ANKRD27: variants seen among roughly 807,000 people sequenced by gnomAD.
ANKRD27 encodes the protein ankyrin repeat domain-containing protein 27.
Under a neutral mutation model 129.7 loss-of-function variants are expected in ANKRD27, and 112 were observed. The observed-to-expected ratio is 0.86, with a 90% confidence interval of 0.74 to 1.01. ANKRD27 has a LOEUF of 1.01. Ranked by LOEUF, ANKRD27 falls within the 50% of genes least tolerant of loss-of-function variation. The pLI is 0.00. For synonymous variants in ANKRD27, 516 were observed against 511.2 expected, an observed-to-expected ratio of 1.01 and a Z score of -0.13; for missense variants, 1,258 against 1,300.5, an observed-to-expected ratio of 0.97 and a Z score of 0.50.
intron 23 of ANKRD27, among the ~76,000 whole-genome samples, 196 bp from the exon 24 acceptor site, chr19:32,606,150 T>TC (rs1971731918): frequency 8.7e-6 from 1 of 114,886 alleles, no homozygotes; most frequent in Non-Finnish European, 1.7e-5. Context: ...GGTTTTTCTT[T>TC]CTTTTTTTTT....
intron 25 of ANKRD27, among the ~76,000 whole-genome samples, chr19:32,603,737 CT>C (rs1457581558): frequency 6.6e-6 from 1 of 152,100 alleles, no homozygotes; most frequent in African/African-American, 2.4e-5. Flanking sequence ...GGGGGTCTCA[CT>C]ATGTTGCCCA....
At chr19:32,639,102 G>A (rs1251599190) in intron 12 of ANKRD27, 2 of 481,804 alleles carry the variant, frequency 4.2e-6, no homozygotes, top group Non-Finnish European at 7.3e-6. Context: ...ACATGTCTTT[G>A]GAGAGGATGG....
chr19:32,643,567 C>T lies in ANKRD27; in HGVS notation c.585+5G>A, dbSNP rs1967244011. The T allele has an allele frequency of 6.2e-7, 1 of 1,613,996 alleles. No homozygotes were observed. The highest frequency in any genetic ancestry group is 8.5e-7 in the Non-Finnish European group (1 of 1,179,998). ...ATTCTCCCTCTCAGAAGTCCTGCTG[C>T]TTACCAGGTGAGAGTCCCTCAGAAG... On this transcript the variant is annotated splice_donor_5th_base_variant and intron_variant, in intron 6 of 28. Coordinates refer to ENST00000306065, the MANE Select transcript of ANKRD27 (RefSeq NM_032139.3).
intron 1 of ANKRD27, among the ~76,000 whole-genome samples, chr19:32,664,358 C>T (rs1967705562): frequency 6.6e-6 from 1 of 151,816 alleles, no homozygotes; most frequent in South Asian, 2.1e-4. Context: ...CACAGTGGCT[C>T]ACACCTGTAA....
At chr19:32,634,591 A>C (rs904057495) in intron 12 of ANKRD27, among the ~76,000 whole-genome samples, 3 of 152,136 alleles carry the variant, frequency 2.0e-5, no homozygotes, top group Non-Finnish European at 2.9e-5. Context: ...TGCAGAGACA[A>C]ACAGACATGC....
intron 12 of ANKRD27, among the ~76,000 whole-genome samples, chr19:32,632,851 T>G (rs1446682169): frequency 6.6e-6 from 1 of 152,162 alleles, no homozygotes; most frequent in Admixed American, 6.5e-5. Flanking sequence ...GAGGTCCACC[T>G]AAAGATAGAG....
intron 2 of ANKRD27, among the ~76,000 whole-genome samples, chr19:32,654,780 T>C (rs1320712825): frequency 6.6e-6 from 1 of 152,032 alleles, no homozygotes; most frequent in African/African-American, 2.4e-5. Flanking sequence ...TTGTTTTGTT[T>C]GTTTGTTTGT....
chr19:32,647,571 G>A (rs1036477503), intron 3 of ANKRD27, among the ~76,000 whole-genome samples: 3 of 152,228 alleles, frequency 2.0e-5, no homozygotes, highest in East Asian at 1.9e-4. Context: ...GTTCAGATGC[G>A]GCAGCTGAGG....
intron 12 of ANKRD27, among the ~76,000 whole-genome samples, chr19:32,632,024 C>T (rs1168424231): frequency 6.6e-6 from 1 of 152,234 alleles, no homozygotes; most frequent in Non-Finnish European, 1.5e-5. Flanking sequence ...CGCAGTGGCT[C>T]ACACCTATAA....
In ANKRD27 at chr19:32,626,724, G is replaced by A. The variant is rs1488719097; in HGVS notation, c.1524C>T (p.Tyr508=). 1 of 1,609,170 alleles carries A rather than the reference G, an allele frequency of 6.2e-7. No individual in the cohort carries two copies. Among genetic ancestry groups the A allele is most frequent in the Non-Finnish European group, 8.5e-7 (1 of 1,177,848 alleles). The change falls in exon 16 of 29, where the codon TAC becomes TAT. Residue 508 remains tyrosine, a synonymous_variant. Coordinates refer to ENST00000306065, the MANE Select transcript of ANKRD27 (RefSeq NM_032139.3). ...TPLHLACQKG[Y]QSVTLLLLHY... ...CACCACTGCTCACCGTCACGCTCTG[G>A]TAGCCCTTCTGACAGGCCAGGTGGA...
chr19:32,605,691 G>T, intron 24 of ANKRD27, 144 bp downstream of exon 24: 2 of 1,113,000 alleles, frequency 1.8e-6, no homozygotes, highest in Non-Finnish European at 1.3e-6. Context: ...GTGGGAAGAC[G>T]CACGCCCTGC....
At chr19:32,643,928 G>A (rs1385906987) in intron 5 of ANKRD27, 1 of 497,722 alleles carries the variant, frequency 2.0e-6, no homozygotes, top group Admixed American at 3.3e-5. Flanking sequence ...AGAGTAGAGT[G>A]CAGTGGTATG....
chr19:32,644,556 G>A, intron 4 of ANKRD27, 77 bp from the exon 5 acceptor site: 2 of 1,507,814 alleles, frequency 1.3e-6, no homozygotes, highest in Non-Finnish European at 1.8e-6. Flanking sequence ...ACAGGGCCTA[G>A]GCCCTCTGGG....
rs1972084394 is a variant in ANKRD27 at position 32,625,972 on chromosome 19, G to A, written c.1537-6C>T. On this transcript the variant is annotated splice_polypyrimidine_tract_variant and splice_region_variant and intron_variant, in intron 16 of 28. Transcript: ENST00000306065. ...TTGTAGTGCAGCAGCAGCAGCTGCGGAGATAAAGGAAAGCGATGAGCAGGG... is the reference window on the plus strand; with the variant it reads ...TTGTAGTGCAGCAGCAGCAGCTGCGAAGATAAAGGAAAGCGATGAGCAGGG... 1.2e-6 allele frequency: 2 copies of A among 1,601,752 alleles called. No homozygotes were observed. Among genetic ancestry groups the A allele is most frequent in the South Asian group, 1.1e-5 (1 of 88,714 alleles).
At chr19:32,628,595 C>T (rs1267666547) in intron 14 of ANKRD27, 127 bp downstream of exon 14, 2 of 1,233,542 alleles carry the variant, frequency 1.6e-6, no homozygotes, top group African/African-American at 3.0e-5. Flanking sequence ...CTCCACTGTA[C>T]AGCAGAGGCA....
At position 32,602,071 on chromosome 19, in the gene ANKRD27, T is replaced by C; in HGVS notation, c.2711A>G (p.Asp904Gly). 1 of 1,614,126 alleles carries C rather than the reference T, an allele frequency of 6.2e-7. No individual in the cohort carries two copies. Among genetic ancestry groups the C allele is most frequent in the South Asian group, 1.1e-5 (1 of 91,074 alleles). ...QVVPSCVASLDDVAETDRKEY... is the reference protein window; with the variant it reads ...QVVPSCVASLGDVAETDRKEY... ...CTTGCGGTCAGTTTCAGCCACATCA[T>C]CTAATGAAGCAACACAGCTTGGTAC... Residue 904 changes from aspartate to glycine, a missense_variant, in exon 26 of 29, where the codon GAT becomes GGT. Transcript: ENST00000306065.
chr19:32,605,781 G>A, intron 24 of ANKRD27, 54 bp downstream of exon 24: 2 of 1,597,792 alleles, frequency 1.3e-6, no homozygotes, highest in South Asian at 1.1e-5. Flanking sequence ...CTGGGTGGAG[G>A]CGCCCTGTTA....
intron 20 of ANKRD27, among the ~76,000 whole-genome samples, chr19:32,618,901 A>C (rs1971963435): frequency 6.6e-6 from 1 of 152,138 alleles, no homozygotes; most frequent in Admixed American, 6.6e-5. Flanking sequence ...ACAGAGCGAG[A>C]CTCTTATCTC....
rs1016923368 is a variant in ANKRD27, at chr19:32,643,705, G to A, written c.526-74C>T. ...TGACGGGGGAGCCGGAGCGGGTAAGGCGCACAGAGCTTCAAGTGCTAACAC... is the reference window on the plus strand; with the variant it reads ...TGACGGGGGAGCCGGAGCGGGTAAGACGCACAGAGCTTCAAGTGCTAACAC... On this transcript the variant is annotated intron_variant, in intron 5 of 28. Transcript: ENST00000306065. The A allele has an allele frequency of 2.0e-5, 30 of 1,474,974 alleles. 1 individual carries two copies. The Admixed American group carries it at 4.9e-4, about 24-fold the overall frequency. The allele number at this position is 1,474,974 out of a possible 1,614,324, so 91.4% of individuals were successfully genotyped here.
Sources: gnomAD v4.1 joint callset for allele counts (sites outside exome capture counted in the v4.1 genomes callset) on GRCh38, gnomAD v4.1.1 for gene constraint, MANE v1.5 for transcripts, NCBI Gene and HGNC (gene_info 2026-07-23, HGNC 2026-07-21) for gene names.